Variants in FAM110B observed in about 807,000 individuals in gnomAD.
FAM110B encodes the protein protein FAM110B.
FAM110B carries 6 observed loss-of-function variants against 20.4 expected under a neutral mutation model. The observed-to-expected ratio is 0.29, with a 90% CI of 0.16 to 0.58. The LOEUF (loss-of-function observed/expected upper bound fraction) is 0.58. FAM110B is among the 20% of genes least tolerant of loss of function. The pLI is 0.90. For missense variants in FAM110B, 434 were observed against 498.2 expected (o/e 0.87, Z 1.23); for synonymous variants, 226 against 214.1 (o/e 1.06, Z -0.49).
intron 3 of FAM110B, among the ~76,000 whole-genome samples, chr8:58,110,113 A>T (rs539775644): frequency 6.6e-6 from 1 of 152,288 alleles, no homozygotes; most frequent in South Asian, 2.1e-4. Context: ...AGTTGGACCT[A>T]GTGGGGATTA....
intron 2 of FAM110B, among the ~76,000 whole-genome samples, chr8:58,072,658 A>G (rs977005847): frequency 1.3e-5 from 2 of 152,228 alleles, no homozygotes; most frequent in Non-Finnish European, 2.9e-5. Flanking sequence ...TTAAAATTCC[A>G]TAGCTCTTTA....
chr8:58,107,808 T>TG (rs1183214685), intron 3 of FAM110B, among the ~76,000 whole-genome samples: 3 of 152,248 alleles, frequency 2.0e-5, no homozygotes, highest in African/African-American at 7.2e-5. Context: ...TGCTGTGCTC[T>TG]GAGGGGCCTC....
intron 3 of FAM110B, among the ~76,000 whole-genome samples, chr8:58,082,378 TCA>T (rs1806219690): frequency 6.6e-6 from 1 of 152,208 alleles, no homozygotes; most frequent in African/African-American, 2.4e-5. Flanking sequence ...AAGGAGGAAC[TCA>T]GTCTAAACTG....
chr8:58,057,982 G>A (rs1805582490), intron 2 of FAM110B, among the ~76,000 whole-genome samples: 1 of 152,210 alleles, frequency 6.6e-6, no homozygotes, highest in Non-Finnish European at 1.5e-5. Flanking sequence ...GTGTCACTGA[G>A]ACCATTTTGC....
At chr8:58,103,696 T>C (rs1018837930) in intron 3 of FAM110B, among the ~76,000 whole-genome samples, 1 of 152,184 alleles carries the variant, frequency 6.6e-6, no homozygotes, top group Admixed American at 6.5e-5. Flanking sequence ...ATACAGCATA[T>C]GTGAATATGA....
intron 3 of FAM110B, chr8:58,098,888 C>G (rs762937747): frequency 3.3e-5 from 5 of 152,308 alleles, no homozygotes; most frequent in Non-Finnish European, 5.9e-5. Context: ...ATGAGATGAG[C>G]TAGGTACCTC....
chr8:58,147,985 A>C lies in FAM110B; in HGVS notation c.*642A>C. 1 of 167,258 alleles carries C rather than the reference A, an allele frequency of 6.0e-6. No homozygotes were observed. The allele number at this position is 167,258 out of a possible 1,614,324, so 10.4% of individuals were successfully genotyped here. A position where few individuals can be genotyped will look rare whatever the true frequency, so the allele number is the denominator to read the frequency against. Reference sequence around the variant, plus strand: ...GGTGGTTCTATGTAATACTGACCCCAAGGAAAGACGATCAGATACAAAGAA... The same window carrying C: ...GGTGGTTCTATGTAATACTGACCCCCAGGAAAGACGATCAGATACAAAGAA... On this transcript the variant is annotated 3_prime_UTR_variant, in exon 4 of 4. Coordinates refer to ENST00000519262, the MANE Select transcript of FAM110B (RefSeq NM_001377989.1).
At chr8:58,017,481 C>G (rs1214610025) in intron 1 of FAM110B, among the ~76,000 whole-genome samples, 2 of 152,156 alleles carry the variant, frequency 1.3e-5, no homozygotes, top group African/African-American at 2.4e-5. Flanking sequence ...CTCAGGTACT[C>G]TTTACTATTG....
chr8:58,037,695 C>A (rs774762793), intron 2 of FAM110B, among the ~76,000 whole-genome samples: 7 of 151,912 alleles, frequency 4.6e-5, no homozygotes, highest in African/African-American at 1.7e-4. Context: ...TGATGAAATT[C>A]TTTTTTCACG....
intron 3 of FAM110B, among the ~76,000 whole-genome samples, chr8:58,115,035 T>A (rs1404655429): frequency 6.6e-6 from 1 of 151,920 alleles, no homozygotes; most frequent in Admixed American, 6.5e-5. Flanking sequence ...AATTAGTAGT[T>A]GGATCACTGT....
chr8:58,081,812 C>A (rs1304053778), intron 3 of FAM110B, among the ~76,000 whole-genome samples: 1 of 151,588 alleles, frequency 6.6e-6, no homozygotes, highest in Admixed American at 6.6e-5. Context: ...TTCTTAGAAT[C>A]TAAGAATTTT....
At position 58,075,267 on chromosome 8, in the gene FAM110B, T is replaced by TGTGTGTGTGTGTGTGTG. The variant is rs1554521043; in HGVS notation, c.-413-268_-413-267insGTGTGTGTGTGTGTGTG. On this transcript the variant is annotated intron_variant, in intron 2 of 3. Transcript: ENST00000519262. Reference sequence around the variant, plus strand: ...CCACACTGAACTAATTTTTGCTTTTTTTTTTTTTTGTGTGTGTGTGTGTGT... The same window carrying TGTGTGTGTGTGTGTGTG: ...CCACACTGAACTAATTTTTGCTTTTTGTGTGTGTGTGTGTGTGTTTTTTTTTGTGTGTGTGTGTGTGT... Among the ~76,000 whole-genome samples, 616 of 134,196 alleles carry TGTGTGTGTGTGTGTGTG rather than the reference T, an allele frequency of 4.6e-3. 4 individuals are homozygous for TGTGTGTGTGTGTGTGTG. Among genetic ancestry groups the TGTGTGTGTGTGTGTGTG allele is most frequent in the African/African-American group, 0.018 (483 of 27,518 alleles). The allele number at this position is 134,196 out of a possible 152,430, so 88.0% of individuals were successfully genotyped here.
At chr8:58,004,275 A>G (rs992390217) in intron 1 of FAM110B, among the ~76,000 whole-genome samples, 1 of 152,280 alleles carries the variant, frequency 6.6e-6, no homozygotes, top group East Asian at 1.9e-4. Flanking sequence ...CCTGTCCTAG[A>G]TGACATCTTC....
intron 3 of FAM110B, among the ~76,000 whole-genome samples, chr8:58,133,090 G>A (rs1163382442): frequency 3.3e-5 from 5 of 151,600 alleles, no homozygotes; most frequent in Admixed American, 3.3e-4. Flanking sequence ...AATGAAAGAT[G>A]TATTTTGCCC....
rs189713174 is a variant in FAM110B, at chr8:58,097,670, G to A, written c.-325+22047G>A. 2.8e-3 allele frequency among the ~76,000 whole-genome samples: 419 copies of A among 152,264 alleles called. 1 individual carries two copies. The highest frequency in any genetic ancestry group is 4.7e-3 in the Non-Finnish European group (319 of 68,022). ...AGCCTTTTTCAGCTGGTTTCTCTCC[G>A]TCTTCATGGATTTATCTACCTTTGG... is the stretch of plus-strand genomic sequence containing the variant. On this transcript the variant is annotated intron_variant, in intron 3 of 3. Coordinates refer to ENST00000519262, the MANE Select transcript of FAM110B (RefSeq NM_001377989.1).
In FAM110B at chr8:58,145,887, T is replaced by G; in HGVS notation, c.-324-20T>G. ...GTCACCCGCCCCTCCTAACCCGCGG[T>G]TGGTTGTTTTGTGTTTCAGCTCTGC... On this transcript the variant is annotated intron_variant, in intron 3 of 3. Transcript: ENST00000519262. 1.1e-5 allele frequency: 2 copies of G among 189,066 alleles called. No homozygotes were observed. The highest frequency in any genetic ancestry group is 1.1e-5 in the Non-Finnish European group (1 of 92,162). The allele number at this position is 189,066 out of a possible 1,614,324, so 11.7% of individuals were successfully genotyped here.
intron 1 of FAM110B, among the ~76,000 whole-genome samples, chr8:58,001,646 T>G (rs1053717714): frequency 6.6e-6 from 1 of 152,214 alleles, no homozygotes; most frequent in Non-Finnish European, 1.5e-5. Context: ...TGCTGCTGTT[T>G]AGGTACTGTG....
At chr8:58,083,181 TAGC>T (rs1806245031) in intron 3 of FAM110B, among the ~76,000 whole-genome samples, 1 of 152,114 alleles carries the variant, frequency 6.6e-6, no homozygotes, top group Admixed American at 6.6e-5. Context: ...GCACAGGGCT[TAGC>T]AGGGCTGGAA....
chr8:58,080,386 C>T (rs1806159691), intron 3 of FAM110B, among the ~76,000 whole-genome samples: 1 of 152,140 alleles, frequency 6.6e-6, no homozygotes, highest in African/African-American at 2.4e-5. Context: ...CCAAAAAGGT[C>T]ATACAAAGAG....
Sources: gnomAD v4.1 joint callset for allele counts (sites outside exome capture counted in the v4.1 genomes callset) on GRCh38, gnomAD v4.1.1 for gene constraint, MANE v1.5 for transcripts, NCBI Gene and HGNC (gene_info 2026-07-23, HGNC 2026-07-21) for gene names.